The following VPS41 variants were observed in gnomAD, a reference collection of about 807,000 sequenced individuals.
The protein encoded by VPS41 is VPS41 subunit of HOPS complex.
A neutral mutation model predicts 130.9 loss-of-function variants in VPS41; 85 were observed. That is an observed-to-expected ratio of 0.65 (90% CI 0.55 to 0.78). The LOEUF is 0.78. VPS41 is among the 30% of genes least tolerant of loss of function. VPS41 has a pLI of 0.00. For synonymous variants in VPS41, 335 were observed against 332.9 expected, an observed-to-expected ratio of 1.01 and a Z score of -0.07; for missense variants, 874 against 1,018.7, an observed-to-expected ratio of 0.86 and a Z score of 1.93.
At chr7:38,726,400 G>C in intron 28 of VPS41, 74 bp from the exon 29 acceptor site, 1 of 1,159,944 alleles carries the variant, frequency 8.6e-7, no homozygotes, top group Non-Finnish European at 1.3e-6. Context: ...GAAACACTAA[G>C]GTAGCGTTAG....
Position 38,776,776 on chromosome 7 carries a change from A to G in VPS41, c.785T>C (p.Val262Ala), listed in dbSNP as rs1784268132. ...GTAGAATTCAGTTTCAAACTGAGACACTGCAAACAAAAGGGATACAGGAGT... is the reference window on the plus strand; with the variant it reads ...GTAGAATTCAGTTTCAAACTGAGACGCTGCAAACAAAAGGGATACAGGAGT... ...RDLPSRYVEI[V>A]SQFETEFYIS... The change falls in exon 11 of 29, where the codon GTG (valine) becomes GCG (alanine). Residue 262 changes from valine (V) to alanine (A), a missense_variant and splice_region_variant. Transcript: ENST00000310301. The G allele has an allele frequency of 1.3e-6, 2 of 1,585,958 alleles. No individual in the cohort carries two copies.
At chr7:38,869,020 G>T in intron 3 of VPS41, 126 bp downstream of exon 3, 1 of 671,142 alleles carries the variant, frequency 1.5e-6, no homozygotes, top group Non-Finnish European at 2.5e-6. Flanking sequence ...CAAGGAGGAA[G>T]AGAGCAGTGG....
At position 38,723,623 on chromosome 7, in the gene VPS41, C is replaced by CT. The variant is rs1464669868; in HGVS notation, c.*2622dup. 1 of 145,050 alleles carries CT rather than the reference C, an allele frequency of 6.9e-6. No individual in the cohort carries two copies. The highest frequency in any genetic ancestry group is 1.5e-5 in the Non-Finnish European group (1 of 66,890). 9.0% of individuals were successfully genotyped at this position (145,050 alleles called of 1,614,324 possible). A position where few individuals can be genotyped will look rare whatever the true frequency, so the allele number is the denominator to read the frequency against. On this transcript the variant is annotated 3_prime_UTR_variant, in exon 29 of 29. Transcript: ENST00000310301. ...CCTGTACTCCCACCTACTCCGGAAGCTGAGACGGGAGAATCACTTGAACCT... is the reference window on the plus strand; with the variant it reads ...CCTGTACTCCCACCTACTCCGGAAGCTTGAGACGGGAGAATCACTTGAACCT...
At chr7:38,764,710 C>A (rs1021052816) in intron 16 of VPS41, among the ~76,000 whole-genome samples, 1 of 152,046 alleles carries the variant, frequency 6.6e-6, no homozygotes, top group African/African-American at 2.4e-5. Context: ...AGCTAATACA[C>A]TCTGGGGAAT....
At chr7:38,833,150 TTA>T (rs1329441942) in intron 4 of VPS41, among the ~76,000 whole-genome samples, 1 of 152,194 alleles carries the variant, frequency 6.6e-6, no homozygotes, top group Admixed American at 6.5e-5. Context: ...CTGATGAAAT[TTA>T]TTCAGACTCG....
intron 25 of VPS41, among the ~76,000 whole-genome samples, chr7:38,737,459 A>T (rs1355461852): frequency 6.6e-6 from 1 of 152,218 alleles, no homozygotes; most frequent in Non-Finnish European, 1.5e-5. Flanking sequence ...AATCAAAAGC[A>T]AGAGTAATGG....
chr7:38,868,103 G>A (rs1786267152), intron 3 of VPS41, among the ~76,000 whole-genome samples: 1 of 152,132 alleles, frequency 6.6e-6, no homozygotes, highest in Non-Finnish European at 1.5e-5. Flanking sequence ...CATCCAAAGT[G>A]TGGCCTTATC....
chr7:38,899,582 C>T (rs1042911110), intron 1 of VPS41, among the ~76,000 whole-genome samples: 8 of 152,240 alleles, frequency 5.3e-5, no homozygotes, highest in African/African-American at 1.9e-4. Flanking sequence ...GACTTCTTTA[C>T]TGAACATCTA....
chr7:38,814,796 A>T (rs1186725041), intron 7 of VPS41, among the ~76,000 whole-genome samples: 2 of 152,240 alleles, frequency 1.3e-5, no homozygotes, highest in East Asian at 3.8e-4. Flanking sequence ...ATAGGGGACA[A>T]CTGTAAAATC....
At chr7:38,816,944 G>A (rs111449129) in intron 7 of VPS41, among the ~76,000 whole-genome samples, 3,016 of 151,982 alleles carry the variant, frequency 0.02, 109 homozygotes, top group African/African-American at 0.068. Context: ...GGTCTCACTC[G>A]TTGCCCAGGC....
intron 3 of VPS41, among the ~76,000 whole-genome samples, chr7:38,868,315 T>C (rs1425351086): frequency 1.3e-5 from 2 of 152,180 alleles, no homozygotes. Context: ...AAAGCAGGCA[T>C]ACATTCTAAT....
chr7:38,898,151 A>G, intron 1 of VPS41, 22 bp from the exon 2 acceptor site: 2 of 1,605,200 alleles, frequency 1.2e-6, no homozygotes, highest in Non-Finnish European at 1.7e-6. Flanking sequence ...AGAAAAAGAA[A>G]ATGGTCAGAA....
chr7:38,739,396 T>TA (rs1435857539), intron 25 of VPS41, among the ~76,000 whole-genome samples: 1 of 151,794 alleles, frequency 6.6e-6, no homozygotes, highest in African/African-American at 2.4e-5. Flanking sequence ...AAATACAAAA[T>TA]AAAAAAAGAA....
intron 4 of VPS41, among the ~76,000 whole-genome samples, chr7:38,842,526 C>T (rs1052375227): frequency 1.8e-4 from 27 of 152,140 alleles, no homozygotes; most frequent in Admixed American, 4.6e-4. Context: ...CATCCTCATT[C>T]GAATAGTAAA....
At chr7:38,909,017 C>G (rs1787329074) in intron 1 of VPS41, 137 bp downstream of exon 1, 1 of 1,075,160 alleles carries the variant, frequency 9.3e-7, no homozygotes, top group Non-Finnish European at 1.4e-6. Context: ...TTTCGCCATC[C>G]CACCCCGCCC....
At chr7:38,824,187 A>G (rs1417125787) in intron 5 of VPS41, among the ~76,000 whole-genome samples, 1 of 152,236 alleles carries the variant, frequency 6.6e-6, no homozygotes, top group Non-Finnish European at 1.5e-5. Context: ...AAGGTCATGT[A>G]CTGCATGGTC....
rs750346768 is a variant in VPS41, at chr7:38,726,197, AAC to A, written c.*47_*48del. The A allele has an allele frequency of 4.6e-5, 61 of 1,325,436 alleles. No individual in the cohort carries two copies. The highest frequency in any genetic ancestry group is 6.4e-5 in the Non-Finnish European group (59 of 918,062). 82.1% of individuals were successfully genotyped at this position (1,325,436 alleles called of 1,614,324 possible). ...CAACAAATGCTTTTGTTGTTGCAAA[AAC>A]AGTCTCAAAAAGAGTGGTGACAAGG... On this transcript the variant is annotated 3_prime_UTR_variant, in exon 29 of 29. Coordinates refer to ENST00000310301, the MANE Select transcript of VPS41 (RefSeq NM_014396.4).
Position 38,803,963 on chromosome 7 carries a change from ATAT to A in VPS41, c.451-7102_451-7100del, listed in dbSNP as rs1352555995. Among the ~76,000 whole-genome samples the A allele has an allele frequency of 3.9e-5, 6 of 152,228 alleles. No individual in the cohort carries two copies. In the East Asian group the frequency reaches 1.2e-3, roughly 29 times the overall value. On this transcript the variant is annotated intron_variant, in intron 7 of 28. Coordinates refer to ENST00000310301, the MANE Select transcript of VPS41 (RefSeq NM_014396.4). ...GGAAGAAAAAGAGAACTTCCCAAAT[ATAT>A]TATTTCCTTAAATTCAGTGGTTATT...
At position 38,772,503 on chromosome 7, in the gene VPS41, G is replaced by T; in HGVS notation, c.1128+19C>A. On this transcript the variant is annotated intron_variant, in intron 13 of 28. Transcript: ENST00000310301. Reference sequence around the variant, plus strand: ...CTGTAGATGAGTCAATACTTTCAAAGAAGTAAAATCAAGGGTACTTCATAT... The same window carrying T: ...CTGTAGATGAGTCAATACTTTCAAATAAGTAAAATCAAGGGTACTTCATAT... The T allele has an allele frequency of 1.3e-6, 2 of 1,504,208 alleles. No individual in the cohort carries two copies. The highest frequency in any genetic ancestry group is 1.8e-6 in the Non-Finnish European group (2 of 1,081,630). 93.2% of individuals were successfully genotyped at this position (1,504,208 alleles called of 1,614,324 possible).
Sources: allele counts gnomAD v4.1 joint callset (sites outside exome capture counted in the v4.1 genomes callset), GRCh38; gene constraint gnomAD v4.1.1; transcripts MANE v1.5; gene names NCBI Gene and HGNC (gene_info 2026-07-23, HGNC 2026-07-21).